PCDH11X: variants seen among roughly 807,000 people sequenced by gnomAD.
PCDH11X encodes protocadherin 11 X-linked.
Under a neutral mutation model 53.3 loss-of-function variants are expected in PCDH11X, and 18 were observed. That is an observed-to-expected ratio of 0.34 (90% CI 0.23 to 0.50). PCDH11X has a LOEUF of 0.50. PCDH11X is among the 20% of genes least tolerant of loss of function. The pLI, the probability that PCDH11X is intolerant of heterozygous loss-of-function variation, is 0.98. For missense variants in PCDH11X, 570 were observed against 1,032.4 expected (o/e 0.55, Z 6.14); for synonymous variants, 279 against 393.3 (o/e 0.71, Z 3.44).
intron 7 of PCDH11X, among the ~76,000 whole-genome samples, chrX:92,213,571 C>T (rs1240400547): frequency 4.5e-5 from 5 of 111,749 alleles, no homozygotes; most frequent in Non-Finnish European, 9.4e-5. Context: ...CCTCAGCAAA[C>T]ATGTATCCCA....
chrX:92,020,264 A>T (rs953448867), intron 6 of PCDH11X, among the ~76,000 whole-genome samples: 11 of 111,956 alleles, frequency 9.8e-5, no homozygotes, highest in Non-Finnish European at 1.7e-4. Context: ...GGCAGCCAGC[A>T]TTGGGACTAA....
At chrX:91,905,209 A>G (rs1355044823) in intron 6 of PCDH11X, among the ~76,000 whole-genome samples, 1 of 108,163 alleles carries the variant, frequency 9.2e-6, no homozygotes, top group Non-Finnish European at 1.9e-5. Flanking sequence ...GGCTCACTGC[A>G]GCCTCAACCT....
chrX:92,232,465 A>C (rs1381035839), intron 7 of PCDH11X, among the ~76,000 whole-genome samples: 1 of 111,816 alleles, frequency 8.9e-6, no homozygotes, highest in Non-Finnish European at 1.9e-5. Context: ...TAATGCTTAA[A>C]TGTTTTCTCT....
chrX:91,842,887 T>A (rs1233968334), intron 5 of PCDH11X, among the ~76,000 whole-genome samples: 2 of 97,907 alleles, frequency 2.0e-5, no homozygotes, highest in African/African-American at 7.6e-5. Flanking sequence ...TCTCACTTAA[T>A]CTGGAATTTT....
At chrX:92,243,582 A>G (rs1347128449) in intron 7 of PCDH11X, among the ~76,000 whole-genome samples, 1 of 111,039 alleles carries the variant, frequency 9.0e-6, no homozygotes, top group Admixed American at 9.6e-5. Context: ...TAATTATTCT[A>G]GGTCATGTGC....
intron 6 of PCDH11X, among the ~76,000 whole-genome samples, chrX:91,890,431 GT>G (rs1014722503): frequency 8.8e-5 from 9 of 101,838 alleles, no homozygotes; most frequent in African/African-American, 3.0e-4. Context: ...ATGTCCTCAT[GT>G]TTTTTTCTTT....
intron 6 of PCDH11X, among the ~76,000 whole-genome samples, chrX:92,061,206 G>T (rs2063518806): frequency 9.0e-6 from 1 of 111,112 alleles, no homozygotes; most frequent in Non-Finnish European, 1.9e-5. Flanking sequence ...ATTTGTTTAA[G>T]TACTTTGTAG....
intron 8 of PCDH11X, among the ~76,000 whole-genome samples, chrX:92,382,467 C>T (rs1766219619): frequency 9.0e-6 from 1 of 111,072 alleles, no homozygotes; most frequent in African/African-American, 3.3e-5. Flanking sequence ...TTAACCTGTC[C>T]AAAATGCCAC....
In PCDH11X at chrX:91,986,782, T is replaced by C. The variant is rs552182298; in HGVS notation, c.3033+107509T>C. Among the ~76,000 whole-genome samples, 135 of 107,640 alleles carry C rather than the reference T, an allele frequency of 1.3e-3. 3 individuals carry two copies. In the South Asian group the frequency reaches 0.057, roughly 46 times the overall value. The allele number at this position is 107,640 out of a possible 115,157, so 93.5% of individuals were successfully genotyped here. On this transcript the variant is annotated intron_variant, in intron 6 of 10. Transcript: ENST00000682573. ...CACCTGCCTAACCCAGGTCCTTGAG[T>C]CTCTCCATCTCAAGGACCTTAACCT... is the stretch of plus-strand genomic sequence containing the variant.
chrX:92,087,739 T>C (rs934698260), intron 6 of PCDH11X, among the ~76,000 whole-genome samples: 12 of 110,151 alleles, frequency 1.1e-4, no homozygotes, highest in African/African-American at 3.9e-4. Context: ...CCCTTTATCA[T>C]TTAATGTTGA....
chrX:92,203,363 C>T (rs965408065), intron 7 of PCDH11X, among the ~76,000 whole-genome samples: 1 of 112,629 alleles, frequency 8.9e-6, no homozygotes, highest in African/African-American at 3.2e-5. Context: ...CAGTATTTCA[C>T]AGAGTTAATT....
rs1313853049 is a variant in PCDH11X at position 92,551,212 on chromosome X, T to G, written c.3368-67052T>G. Among the ~76,000 whole-genome samples the G allele has an allele frequency of 3.6e-5, 4 of 111,872 alleles. No individual in the cohort carries two copies. The East Asian group carries it at 1.1e-3, about 31-fold the overall frequency. Reference sequence around the variant, plus strand: ...ATTTACATTTCCACCATCAGTGTACTAGGGTTCCCTTTTCTCTACATCTGT... The same window carrying G: ...ATTTACATTTCCACCATCAGTGTACGAGGGTTCCCTTTTCTCTACATCTGT... On this transcript the variant is annotated intron_variant, in intron 10 of 10. Transcript: ENST00000682573.
intron 6 of PCDH11X, among the ~76,000 whole-genome samples, chrX:92,013,668 T>C (rs190708931): frequency 4.9e-4 from 55 of 111,351 alleles, no homozygotes; most frequent in Admixed American, 2.7e-3. Context: ...CAGCATGGTA[T>C]TGGTACCAAA....
intron 8 of PCDH11X, among the ~76,000 whole-genome samples, chrX:92,319,387 G>T (rs187994857): frequency 8.9e-6 from 1 of 112,065 alleles, no homozygotes; most frequent in Non-Finnish European, 1.9e-5. Context: ...TTGAACTTAA[G>T]GTTTTAGACA....
intron 8 of PCDH11X, among the ~76,000 whole-genome samples, chrX:92,271,455 G>A (rs2067956145): frequency 8.9e-6 from 1 of 112,086 alleles, no homozygotes; most frequent in Non-Finnish European, 1.9e-5. Context: ...CATAATGTGG[G>A]ACTGGGCCTA....
chrX:92,261,523 T>G (rs2067714659), intron 7 of PCDH11X, among the ~76,000 whole-genome samples: 1 of 111,999 alleles, frequency 8.9e-6, no homozygotes, highest in Non-Finnish European at 1.9e-5. Context: ...TTCACATTTT[T>G]AGATTTTCAC....
chrX:92,164,617 G>A (rs1231565618), intron 6 of PCDH11X, among the ~76,000 whole-genome samples: 2 of 109,962 alleles, frequency 1.8e-5, no homozygotes, highest in Non-Finnish European at 3.8e-5. Flanking sequence ...ACATGTAACT[G>A]CAAAGAATCC....
At chrX:91,949,891 G>T (rs2061618680) in intron 6 of PCDH11X, among the ~76,000 whole-genome samples, 1 of 107,358 alleles carries the variant, frequency 9.3e-6, no homozygotes, top group African/African-American at 3.4e-5. Flanking sequence ...CAGAAAAAGG[G>T]TGACAAAAAG....
intron 8 of PCDH11X, among the ~76,000 whole-genome samples, chrX:92,283,830 C>T (rs980334562): frequency 2.7e-5 from 3 of 111,582 alleles, no homozygotes; most frequent in African/African-American, 9.8e-5. Context: ...TTTTTTCTTA[C>T]ATGAAATTCA....
Sources: gnomAD v4.1 joint callset for allele counts (sites outside exome capture counted in the v4.1 genomes callset) on GRCh38, gnomAD v4.1.1 for gene constraint, MANE v1.5 for transcripts, NCBI Gene and HGNC (gene_info 2026-07-23, HGNC 2026-07-21) for gene names.